Variants in STAG1 observed in about 807,000 individuals in gnomAD.
STAG1 encodes STAG1 cohesin complex component.
In STAG1, 26 loss-of-function variants were observed where a neutral mutation model predicts 170.9. The ratio of observed to expected loss-of-function variants is 0.15; its 90% confidence interval spans 0.11 to 0.21. The LOEUF (loss-of-function observed/expected upper bound fraction) is 0.21, where lower values mean the gene tolerates loss of function less well. STAG1 is among the 10% of genes least tolerant of loss of function. STAG1 has a pLI of 1.00. For synonymous variants in STAG1, 514 were observed against 497.7 expected (o/e 1.03, Z -0.44); for missense variants, 964 against 1,509.5 (o/e 0.64, Z 5.99).
chr3:136,508,792 C>A (rs911746753), intron 7 of STAG1, among the ~76,000 whole-genome samples: 1 of 152,254 alleles, frequency 6.6e-6, no homozygotes, highest in Non-Finnish European at 1.5e-5. Flanking sequence ...TGCTGGGGTA[C>A]CCTACAAATT....
chr3:136,477,024 T>C (rs2089770007), intron 10 of STAG1, among the ~76,000 whole-genome samples: 1 of 152,178 alleles, frequency 6.6e-6, no homozygotes, highest in Admixed American at 6.5e-5. Context: ...TATAATGATT[T>C]TCTTTCTCTG....
intron 12 of STAG1, among the ~76,000 whole-genome samples, chr3:136,465,370 A>C (rs2089422875): frequency 6.6e-6 from 1 of 151,516 alleles, no homozygotes; most frequent in Non-Finnish European, 1.5e-5. Context: ...CAGGTGCCCA[A>C]CACCACGCTC....
At chr3:136,468,582 G>C (rs1251733983) in intron 12 of STAG1, among the ~76,000 whole-genome samples, 1 of 152,162 alleles carries the variant, frequency 6.6e-6, no homozygotes, top group Non-Finnish European at 1.5e-5. Flanking sequence ...AGAGGTACAA[G>C]GAGGAGCTGG....
chr3:136,712,295 T>C lies in STAG1; in HGVS notation c.-84+39900A>G, dbSNP rs577547420. On this transcript the variant is annotated intron_variant, in intron 1 of 33. Transcript: ENST00000383202. ...CCTCCAAAAGTGCTGGGATTACAGG[T>C]GTGAGCCACCGCACCCAGCCTACAG... Among the ~76,000 whole-genome samples the C allele has an allele frequency of 3.9e-5, 6 of 152,172 alleles. No individual in the cohort carries two copies. The South Asian group carries it at 1.2e-3, about 32-fold the overall frequency.
At chr3:136,404,441 C>G (rs1560091175) in intron 21 of STAG1, among the ~76,000 whole-genome samples, 1 of 152,206 alleles carries the variant, frequency 6.6e-6, no homozygotes, top group Non-Finnish European at 1.5e-5. Context: ...TGCCAGGACA[C>G]CAATACCCCA....
rs1024200535 is a variant in STAG1 at position 136,336,567 on chromosome 3, G to A, written c.*1687C>T. 1 of 152,248 alleles carries A rather than the reference G, an allele frequency of 6.6e-6. No individual in the cohort carries two copies. Among genetic ancestry groups the A allele is most frequent in the Non-Finnish European group, 1.5e-5 (1 of 68,050 alleles). 9.4% of individuals were successfully genotyped at this position (152,248 alleles called of 1,614,324 possible). A position where few individuals can be genotyped will look rare whatever the true frequency, so the allele number is the denominator to read the frequency against. On this transcript the variant is annotated 3_prime_UTR_variant, in exon 34 of 34. Transcript: ENST00000383202. ...AAAACCACAGGCAGGCAGGGCTGGGGTGGACAGTCCAGTCATTCCTGCACC... is the reference window on the plus strand; with the variant it reads ...AAAACCACAGGCAGGCAGGGCTGGGATGGACAGTCCAGTCATTCCTGCACC...
rs563762696 is a variant in STAG1, at chr3:136,573,494, C to A, written c.298-4633G>T. Among the ~76,000 whole-genome samples the A allele has an allele frequency of 1.7e-3, 256 of 152,014 alleles. 1 individual carries two copies. Among genetic ancestry groups the A allele is most frequent in the African/African-American group, 5.2e-3 (215 of 41,444 alleles). On this transcript the variant is annotated intron_variant, in intron 4 of 33. Coordinates refer to ENST00000383202, the MANE Select transcript of STAG1 (RefSeq NM_005862.3). ...CTTCCCATCAAAAACAATGCAAACC[C>A]ATGGATAATACAGTAACATATTTAA...
At chr3:136,469,115 T>C (rs907925498) in intron 12 of STAG1, among the ~76,000 whole-genome samples, 3 of 152,078 alleles carry the variant, frequency 2.0e-5, no homozygotes, top group African/African-American at 7.2e-5. Flanking sequence ...CTATTCAACA[T>C]AGTGTTGGAA....
chr3:136,462,497 C>T (rs2089301940), intron 13 of STAG1, among the ~76,000 whole-genome samples: 1 of 152,048 alleles, frequency 6.6e-6, no homozygotes, highest in African/African-American at 2.4e-5. Flanking sequence ...AGATTGATCT[C>T]CTGGAGGGGC....
chr3:136,590,903 T>A (rs546950128), intron 4 of STAG1, among the ~76,000 whole-genome samples: 1 of 152,158 alleles, frequency 6.6e-6, no homozygotes, highest in African/African-American at 2.4e-5. Flanking sequence ...ATTAGTTATC[T>A]GTGAAGTTCC....
At chr3:136,497,950 T>C (rs1280915209) in intron 9 of STAG1, among the ~76,000 whole-genome samples, 1 of 150,844 alleles carries the variant, frequency 6.6e-6, no homozygotes, top group Non-Finnish European at 1.5e-5. Flanking sequence ...CCCAGCACTT[T>C]GGGAGGCCAA....
At chr3:136,542,001 TA>T (rs1559869436) in intron 6 of STAG1, 117 bp downstream of exon 6, 1 of 740,322 alleles carries the variant, frequency 1.4e-6, no homozygotes, top group Non-Finnish European at 2.3e-6. Context: ...CATATATAAT[TA>T]AAAAATAGAT....
At chr3:136,486,541 A>C (rs111636803) in intron 9 of STAG1, among the ~76,000 whole-genome samples, 5 of 152,238 alleles carry the variant, frequency 3.3e-5, no homozygotes, top group African/African-American at 9.6e-5. Context: ...AGGATCCATT[A>C]CATTTTTCCT....
At chr3:136,539,033 C>G (rs560520458) in intron 6 of STAG1, among the ~76,000 whole-genome samples, 11 of 151,752 alleles carry the variant, frequency 7.2e-5, no homozygotes, top group African/African-American at 2.7e-4. Flanking sequence ...ACTCAGGAGG[C>G]TGAGGCAGGA....
intron 16 of STAG1, among the ~76,000 whole-genome samples, chr3:136,430,800 T>TAGAC (rs1296547972): frequency 6.2e-4 from 60 of 97,546 alleles, no homozygotes; most frequent in African/African-American, 1.6e-3. Context: ...GAAACAGACA[T>TAGAC]AGACAGACAC....
chr3:136,431,291 G>C (rs372169840), intron 16 of STAG1, among the ~76,000 whole-genome samples: 77 of 147,434 alleles, frequency 5.2e-4, no homozygotes, highest in South Asian at 4.3e-4. Context: ...CTTTTTTTTT[G>C]AGTCACAGTC....
intron 4 of STAG1, among the ~76,000 whole-genome samples, chr3:136,583,989 C>T (rs577469246): frequency 5.9e-5 from 9 of 152,290 alleles, no homozygotes; most frequent in Non-Finnish European, 8.8e-5. Flanking sequence ...CTACATGTCA[C>T]TCAAAGCCAA....
At chr3:136,467,476 G>T (rs984148464) in intron 12 of STAG1, among the ~76,000 whole-genome samples, 5 of 152,072 alleles carry the variant, frequency 3.3e-5, no homozygotes, top group South Asian at 2.1e-4. Flanking sequence ...AAATATATAT[G>T]CACCCAATAC....
intron 6 of STAG1, among the ~76,000 whole-genome samples, chr3:136,532,030 C>G (rs1935401406): frequency 1.3e-5 from 2 of 149,686 alleles, no homozygotes. Context: ...TAATACAGAT[C>G]AGACCAAAAA....
Sources: gnomAD v4.1 joint callset for allele counts (sites outside exome capture counted in the v4.1 genomes callset) on GRCh38, gnomAD v4.1.1 for gene constraint, MANE v1.5 for transcripts, NCBI Gene and HGNC (gene_info 2026-07-23, HGNC 2026-07-21) for gene names.